The following ITPKA variants were observed in gnomAD, a reference collection of about 807,000 sequenced individuals.
The protein encoded by ITPKA is inositol-trisphosphate 3-kinase A, also known as IP3 3-kinase A.
A neutral mutation model predicts 40.7 loss-of-function variants in ITPKA; 16 were observed. The observed-to-expected ratio is 0.39, with a 90% CI of 0.27 to 0.60. The LOEUF is 0.60. ITPKA is among the 20% of genes least tolerant of loss of function. The pLI is 0.50. For missense variants in ITPKA, 540 were observed against 649.3 expected, an observed-to-expected ratio of 0.83 and a Z score of 1.83; for synonymous variants, 313 against 289.9, an observed-to-expected ratio of 1.08 and a Z score of -0.81.
chr15:41,496,923 A>G (rs1248208412), intron 1 of ITPKA, among the ~76,000 whole-genome samples: 4 of 152,160 alleles, frequency 2.6e-5, no homozygotes, highest in Non-Finnish European at 5.9e-5. Flanking sequence ...TTGGGCTGGT[A>G]GAGAGCTTCA....
In ITPKA at chr15:41,501,633, A is replaced by G. The variant is rs1238777647; in HGVS notation, c.587-2A>G. The G allele has an allele frequency of 6.2e-7, 1 of 1,605,246 alleles. No homozygotes were observed. On this transcript the variant is annotated splice_acceptor_variant, in intron 2 of 6. Coordinates refer to ENST00000260386, the MANE Select transcript of ITPKA (RefSeq NM_002220.3). LOFTEE classifies it high-confidence loss of function. ...GCGGCGCTGACGGATGCCGGTCCTC[A>G]GGGAGTTTTAAGGCGGCGGGCACCA... is the stretch of plus-strand genomic sequence containing the variant.
At position 41,494,356 on chromosome 15, in the gene ITPKA, C is replaced by T; in HGVS notation, c.429C>T (p.Ser143=). 1 of 1,512,328 alleles carries T rather than the reference C, an allele frequency of 6.6e-7. No individual in the cohort carries two copies. Among genetic ancestry groups the T allele is most frequent in the South Asian group, 1.2e-5 (1 of 81,036 alleles). 93.7% of individuals were successfully genotyped at this position (1,512,328 alleles called of 1,614,324 possible). The change falls in exon 1 of 7, where the codon AGC becomes AGT. Residue 143 remains serine (S), a synonymous_variant. Transcript: ENST00000260386. The surrounding 1 kb of genome is among the most constrained non-coding windows in gnomAD (Gnocchi z 7.8). ...AGGACTCGGAGGACGACCTGCTGAG[C>T]GACAGTGAGAGCCGGAGCCGCGGCA... ...LLEDSEDDLL[S]DSESRSRGNV...
At chr15:41,501,265 C>G in intron 1 of ITPKA, 198 bp from the exon 2 acceptor site, 1 of 967,076 alleles carries the variant, frequency 1.0e-6, no homozygotes, top group Non-Finnish European at 1.2e-6. Context: ...GCTGGAATCA[C>G]CTTCACTGCG....
chr15:41,502,258 C>G lies in ITPKA; in HGVS notation c.1008+57C>G, dbSNP rs539561319. The G allele has an allele frequency of 2.7e-6, 4 of 1,507,660 alleles. No individual in the cohort carries two copies. In the East Asian group the frequency reaches 7.2e-5, roughly 27 times the overall value. 93.4% of individuals were successfully genotyped at this position (1,507,660 alleles called of 1,614,324 possible). On this transcript the variant is annotated intron_variant, in intron 4 of 6. Transcript: ENST00000260386. Reference sequence around the variant, plus strand: ...CAGCCCCACTGCGCGCTGTCTTTCCCGATCCCCCGCTCCCGCCCCGCCTGC... The same window carrying G: ...CAGCCCCACTGCGCGCTGTCTTTCCGGATCCCCCGCTCCCGCCCCGCCTGC...
In ITPKA at chr15:41,493,878, C is replaced by T; in HGVS notation, c.-50C>T. ...CCGGGGGCGCCGAGCCGCTCCAGTC[C>T]CCGGCGCGCCGCGGGCTGGTGGGCT... On this transcript the variant is annotated 5_prime_UTR_variant, in exon 1 of 7. Transcript: ENST00000260386. The T allele has an allele frequency of 2.0e-6, 2 of 994,536 alleles. No homozygotes were observed. Among genetic ancestry groups the T allele is most frequent in the South Asian group, 9.2e-5 (2 of 21,786 alleles). The allele number at this position is 994,536 out of a possible 1,614,324, so 61.6% of individuals were successfully genotyped here.
chr15:41,494,657 C>A lies in ITPKA; in HGVS notation c.489+241C>A, dbSNP rs2051057578. 6.6e-6 allele frequency among the ~76,000 whole-genome samples: 1 copy of A among 151,892 alleles called. No individual in the cohort carries two copies. The highest frequency in any genetic ancestry group is 6.6e-5 in the Admixed American group (1 of 15,264). ...GCCCTGGGGCGTCTAAGAAGCGGGG[C>A]GAGGAGCAGGCGACCCGCCGCGGGG... On this transcript the variant is annotated intron_variant, in intron 1 of 6. Transcript: ENST00000260386. This position sits in a 1 kb window ranked among gnomAD's most constrained non-coding sequence, Gnocchi z 7.8.
At position 41,493,976 on chromosome 15, in the gene ITPKA, A is replaced by T; in HGVS notation, c.49A>T (p.Arg17Trp). The T allele has an allele frequency of 9.3e-7, 1 of 1,078,450 alleles. No homozygotes were observed. The highest frequency in any genetic ancestry group is 1.1e-6 in the Non-Finnish European group (1 of 890,990). 66.8% of individuals were successfully genotyped at this position (1,078,450 alleles called of 1,614,324 possible). Residue 17 changes from arginine to tryptophan, a missense_variant, in exon 1 of 7, where the codon AGG becomes TGG. Arg to Trp is a moderately radical substitution (Grantham distance 101). Coordinates refer to ENST00000260386, the MANE Select transcript of ITPKA (RefSeq NM_002220.3). ...GGGCATGGCGCGGCCGGGGGGCGCG[A>T]GGCCCTGCAGCCCGGGGCTGGAGCG... The part of the protein sequence containing the change: ...PTGMARPGGA[R>W]PCSPGLERAP...
chr15:41,499,891 C>T (rs902500459), intron 1 of ITPKA, among the ~76,000 whole-genome samples: 3 of 152,196 alleles, frequency 2.0e-5, no homozygotes, highest in African/African-American at 7.2e-5. Context: ...AAACAAAAAA[C>T]AAAAAACAAC....
rs1413366172 is a variant in ITPKA at position 41,494,038 on chromosome 15, C to A, written c.111C>A (p.Leu37=). 1 of 1,209,718 alleles carries A rather than the reference C, an allele frequency of 8.3e-7. No homozygotes were observed. The highest frequency in any genetic ancestry group is 1.0e-6 in the Non-Finnish European group (1 of 975,000). The allele number at this position is 1,209,718 out of a possible 1,614,324, so 74.9% of individuals were successfully genotyped here. A position where few individuals can be genotyped will look rare whatever the true frequency, so the allele number is the denominator to read the frequency against. The change falls in exon 1 of 7, where the codon CTC becomes CTA. Residue 37 remains leucine (L), a synonymous_variant. Coordinates refer to ENST00000260386, the MANE Select transcript of ITPKA (RefSeq NM_002220.3). This position sits in a 1 kb window ranked among gnomAD's most constrained non-coding sequence, Gnocchi z 7.8. ...PRRSVGELRL[L]FEARCAAVAA... is the part of the protein sequence containing the mutation. The stretch of plus-strand genomic sequence containing the variant: ...GGAGTGTCGGGGAGCTGCGCCTGCT[C>A]TTCGAGGCGCGCTGTGCGGCGGTCG...
At position 41,503,006 on chromosome 15, in the gene ITPKA, G is replaced by A; in HGVS notation, c.1226G>A (p.Arg409His). The A allele has an allele frequency of 6.2e-7, 1 of 1,608,030 alleles. No homozygotes were observed. Among genetic ancestry groups the A allele is most frequent in the Non-Finnish European group, 8.5e-7 (1 of 1,176,748 alleles). ...CTCTTTGTGCACGATCACTGCCATC[G>A]CGCCGGCGTGTGGCTCATCGACTTC... is the stretch of plus-strand genomic sequence containing the variant. ...SLLFVHDHCH[R>H]AGVWLIDFGK... The change falls in exon 7 of 7, where the codon CGC becomes CAC. Residue 409 changes from arginine (R) to histidine (H), a missense_variant. By Grantham distance (29) the Arg-to-His change is conservative. Coordinates refer to ENST00000260386, the MANE Select transcript of ITPKA (RefSeq NM_002220.3).
chr15:41,495,064 G>A (rs1475286786), intron 1 of ITPKA, among the ~76,000 whole-genome samples: 1 of 152,230 alleles, frequency 6.6e-6, no homozygotes, highest in Non-Finnish European at 1.5e-5. Context: ...AGAGAGGGGC[G>A]GTAAACTGAG....
rs761938864 is a variant in ITPKA, at chr15:41,503,078, G to A, written c.1298G>A (p.Arg433Gln). The change falls in exon 7 of 7, where the codon CGG becomes CAG. Residue 433 changes from arginine to glutamine, a missense_variant. Arg to Gln is a conservative substitution (Grantham distance 43, BLOSUM62 1). Transcript: ENST00000260386. The stretch of plus-strand genomic sequence containing the variant: ...GATGGCCAGATCCTGGACCACCGGC[G>A]GCCCTGGGAGGAGGGCAACCGCGAG... Reference protein sequence around the residue: ...LPDGQILDHRRPWEEGNREDG... With the variant: ...LPDGQILDHRQPWEEGNREDG... 25 of 1,607,106 alleles carry A rather than the reference G, an allele frequency of 1.6e-5. No homozygotes were observed. The African/African-American group carries it at 3.2e-4, about 21-fold the overall frequency.
rs1390004838 is a variant in ITPKA, at chr15:41,494,164, C to A, written c.237C>A (p.Ile79=). Residue 79 remains isoleucine, a synonymous_variant, in exon 1 of 7, where the codon ATC becomes ATA. Transcript: ENST00000260386. This position sits in a 1 kb window ranked among gnomAD's most constrained non-coding sequence, Gnocchi z 7.8. Reference sequence around the variant, plus strand: ...CGCGGGCTCCCCCGGCCCCGGTGATCCCTCAGCTGACCGTGACAGCCGAGG... The same window carrying A: ...CGCGGGCTCCCCCGGCCCCGGTGATACCTCAGCTGACCGTGACAGCCGAGG... The part of the protein sequence containing the change: ...GLPRAPPAPV[I]PQLTVTAEEP... 2.0e-6 allele frequency: 3 copies of A among 1,506,034 alleles called. No individual in the cohort carries two copies. The South Asian group carries it at 3.7e-5, about 19-fold the overall frequency. 93.3% of individuals were successfully genotyped at this position (1,506,034 alleles called of 1,614,324 possible).
In ITPKA at chr15:41,501,724, G is replaced by A; in HGVS notation, c.676G>A (p.Ala226Thr). The A allele has an allele frequency of 6.2e-7, 1 of 1,611,476 alleles. No homozygotes were observed. Among genetic ancestry groups the A allele is most frequent in the Non-Finnish European group, 8.5e-7 (1 of 1,179,408 alleles). Residue 226 changes from alanine to threonine, a missense_variant, in exon 3 of 7, where the codon GCG becomes ACG. Transcript: ENST00000260386. The stretch of plus-strand genomic sequence containing the variant: ...CTGCCTGGCGCGGCTGATGGCTGAC[G>A]CGCTGCGCGGCTGCGTGCCTGCCTT... The part of the protein sequence containing the change: ...RYCLARLMAD[A>T]LRGCVPAFHG...
In ITPKA at chr15:41,501,958, C is replaced by T. The variant is rs372233327; in HGVS notation, c.804-39C>T. On this transcript the variant is annotated intron_variant, in intron 3 of 6. Coordinates refer to ENST00000260386, the MANE Select transcript of ITPKA (RefSeq NM_002220.3). ...GAGTGCTCGAAGGGGTCTCCGTGTG[C>T]GCCCCCTCATGCCCTGGCCGCTGCC... 1.7e-5 allele frequency: 27 copies of T among 1,592,316 alleles called. No individual in the cohort carries two copies. In the Admixed American group the frequency reaches 4.2e-4, roughly 25 times the overall value.
At chr15:41,500,551 G>C (rs2051102337) in intron 1 of ITPKA, among the ~76,000 whole-genome samples, 1 of 152,230 alleles carries the variant, frequency 6.6e-6, no homozygotes, top group South Asian at 2.1e-4. Context: ...TCATACCATG[G>C]AATGGGATGG....
Position 41,501,562 on chromosome 15 carries a change from G to A in ITPKA, c.586+3G>A. 2 of 1,582,170 alleles carry A rather than the reference G, an allele frequency of 1.3e-6. No homozygotes were observed. Among genetic ancestry groups the A allele is most frequent in the African/African-American group, 1.3e-5 (1 of 74,122 alleles). ...GGTGCAGCTGGCAGGGCACACTGGT[G>A]AGCAGTGGGGCGGGTGGGCGGGTGC... On this transcript the variant is annotated splice_donor_region_variant and intron_variant, in intron 2 of 6. Coordinates refer to ENST00000260386, the MANE Select transcript of ITPKA (RefSeq NM_002220.3).
intron 1 of ITPKA, among the ~76,000 whole-genome samples, chr15:41,497,658 G>A (rs1446805069): frequency 6.6e-6 from 1 of 152,184 alleles, no homozygotes. Context: ...TACTGGCAGG[G>A]GGGCTAAATC....
rs758598040 is a variant in ITPKA, at chr15:41,501,686, A to C, written c.638A>C (p.Glu213Ala). 1 of 1,610,100 alleles carries C rather than the reference A, an allele frequency of 6.2e-7. No homozygotes were observed. Among genetic ancestry groups the C allele is most frequent in the South Asian group, 1.1e-5 (1 of 90,762 alleles). The change falls in exon 3 of 7, where the codon GAG (glutamate) becomes GCG (alanine). Residue 213 changes from glutamate (E) to alanine (A), a missense_variant. Coordinates refer to ENST00000260386, the MANE Select transcript of ITPKA (RefSeq NM_002220.3). ...TSGLILKRCS[E>A]PERYCLARLM... ...GGGCTGATCCTGAAGCGCTGCTCGG[A>C]GCCGGAGCGCTACTGCCTGGCGCGG...
Sources: gnomAD v4.1 joint callset for allele counts (sites outside exome capture counted in the v4.1 genomes callset) on GRCh38, gnomAD v4.1.1 for gene constraint, Gnocchi (gnomAD v3.1) non-coding constraint, MANE v1.5 for transcripts, NCBI Gene and HGNC (gene_info 2026-07-23, HGNC 2026-07-21) for gene names.